Variants in LRP1B observed in about 807,000 individuals in gnomAD.
LRP1B encodes the protein LDL receptor related protein 1B.
LRP1B carries 217 observed loss-of-function variants against 556.6 expected under a neutral mutation model. The observed-to-expected ratio is 0.39, with a 90% CI of 0.35 to 0.44. The LOEUF is 0.44. Among genes scored for constraint, LRP1B ranks in the 20% least tolerant of loss-of-function variants. The probability of loss-of-function intolerance (pLI) is 1.00; values close to 1 mark genes in which losing one functional copy is unlikely to be tolerated. For missense variants in LRP1B, 5,053 were observed against 5,620.8 expected (o/e 0.90, Z 3.23); for synonymous variants, 2,047 against 1,865.8 (o/e 1.10, Z -2.50).
At chr2:140,276,323 T>C (rs1359872141) in intron 84 of LRP1B, among the ~76,000 whole-genome samples, 2 of 152,014 alleles carry the variant, frequency 1.3e-5, no homozygotes. Flanking sequence ...TGCTTGCTGT[T>C]GCACTGTGCC....
chr2:141,295,260 C>A (rs542240769), intron 3 of LRP1B, among the ~76,000 whole-genome samples: 1 of 152,228 alleles, frequency 6.6e-6, no homozygotes, highest in South Asian at 2.1e-4. Context: ...CATTTTATTT[C>A]AAGTTGATAT....
At chr2:140,995,783 G>GT (rs1362432098) in intron 15 of LRP1B, among the ~76,000 whole-genome samples, 1 of 152,008 alleles carries the variant, frequency 6.6e-6, no homozygotes, top group Non-Finnish European at 1.5e-5. Flanking sequence ...TCTATGCAGT[G>GT]TTTTTTCTCT....
At chr2:140,921,121 AT>A (rs944082927) in intron 21 of LRP1B, among the ~76,000 whole-genome samples, 2 of 151,862 alleles carry the variant, frequency 1.3e-5, no homozygotes, top group African/African-American at 4.8e-5. Context: ...TTGTCTGCAA[AT>A]TTTTTTTCTC....
At chr2:140,365,112 A>AT (rs1185379002) in intron 71 of LRP1B, among the ~76,000 whole-genome samples, 3 of 151,648 alleles carry the variant, frequency 2.0e-5, no homozygotes, top group Non-Finnish European at 3.0e-5. Context: ...AGAAATTTAT[A>AT]TTTTTTAGTT....
intron 60 of LRP1B, among the ~76,000 whole-genome samples, 176 bp downstream of exon 60, chr2:140,474,955 CATAACAT>C (rs1687909069): frequency 2.7e-5 from 4 of 149,844 alleles, no homozygotes; most frequent in Admixed American, 2.0e-4. Context: ...ATATCTTGTG[CATAACAT>C]ATAATTTTTG....
chr2:140,394,957 G>A (rs1684186955), intron 66 of LRP1B, among the ~76,000 whole-genome samples: 1 of 152,148 alleles, frequency 6.6e-6, no homozygotes, highest in African/African-American at 2.4e-5. Flanking sequence ...AAAAAAATGA[G>A]ATTGGTATCT....
At chr2:140,768,908 C>A in intron 35 of LRP1B, among the ~76,000 whole-genome samples, 1 of 151,432 alleles carries the variant, frequency 6.6e-6, no homozygotes. Flanking sequence ...ATATTTATAA[C>A]TAGATAAAAG....
intron 1 of LRP1B, among the ~76,000 whole-genome samples, chr2:141,954,145 T>A (rs980313731): frequency 1.9e-4 from 29 of 152,238 alleles, no homozygotes; most frequent in African/African-American, 7.0e-4. Flanking sequence ...ATGTTTTCTA[T>A]TATTTTTCTT....
chr2:141,548,975 G>A (rs1393394205), intron 2 of LRP1B, among the ~76,000 whole-genome samples: 1 of 152,100 alleles, frequency 6.6e-6, no homozygotes, highest in African/African-American at 2.4e-5. Flanking sequence ...CATACAGTTG[G>A]AAAGATATAC....
At chr2:140,929,813 C>A (rs1271780530) in intron 20 of LRP1B, among the ~76,000 whole-genome samples, 2 of 148,670 alleles carry the variant, frequency 1.3e-5, no homozygotes, top group African/African-American at 4.9e-5. Flanking sequence ...CTTCCCACTT[C>A]TCATTCTACT....
intron 32 of LRP1B, among the ~76,000 whole-genome samples, chr2:140,777,282 C>T (rs1689531643): frequency 6.6e-6 from 1 of 152,208 alleles, no homozygotes; most frequent in African/African-American, 2.4e-5. Flanking sequence ...TTGCCCCTAG[C>T]TCACAGAGGG....
intron 3 of LRP1B, among the ~76,000 whole-genome samples, chr2:141,286,538 A>C (rs1685728461): frequency 6.6e-6 from 1 of 152,158 alleles, no homozygotes; most frequent in Non-Finnish European, 1.5e-5. Context: ...GTAAGATTTT[A>C]ATGTCTTCCT....
At chr2:141,340,740 A>C (rs562230138) in intron 3 of LRP1B, among the ~76,000 whole-genome samples, 3 of 152,200 alleles carry the variant, frequency 2.0e-5, no homozygotes, top group Non-Finnish European at 4.4e-5. Context: ...AGGGAATTTA[A>C]ACAGTCAATA....
intron 2 of LRP1B, among the ~76,000 whole-genome samples, chr2:141,588,638 C>T (rs186763682): frequency 2.0e-5 from 3 of 152,120 alleles, no homozygotes; most frequent in South Asian, 2.1e-4. Flanking sequence ...TCTCCAAATT[C>T]GTTGCAAGAT....
chr2:141,203,569 C>T (rs1445099168), intron 6 of LRP1B, among the ~76,000 whole-genome samples: 3 of 82,800 alleles, frequency 3.6e-5, no homozygotes, highest in Non-Finnish European at 8.4e-5. Context: ...GACTTAGACT[C>T]CCACACAATA....
At chr2:141,795,519 C>T (rs184910758) in intron 2 of LRP1B, among the ~76,000 whole-genome samples, 2 of 151,890 alleles carry the variant, frequency 1.3e-5, no homozygotes, top group African/African-American at 2.4e-5. Context: ...ATTTCAGAGT[C>T]CACGTTTGTG....
At chr2:140,944,186 C>T (rs559853327) in intron 20 of LRP1B, among the ~76,000 whole-genome samples, 2 of 152,058 alleles carry the variant, frequency 1.3e-5, no homozygotes, top group Non-Finnish European at 1.5e-5. Flanking sequence ...TGGATAAATT[C>T]TTGGAAACAC....
chr2:141,961,214 CA>C (rs1463381807), intron 1 of LRP1B, among the ~76,000 whole-genome samples: 1 of 151,442 alleles, frequency 6.6e-6, no homozygotes, highest in East Asian at 1.9e-4. Context: ...GTCATTGCAA[CA>C]AAGAATTTCT....
chr2:140,440,321 C>G, intron 66 of LRP1B, among the ~76,000 whole-genome samples: 1 of 152,148 alleles, frequency 6.6e-6, no homozygotes, highest in Non-Finnish European at 1.5e-5. Flanking sequence ...CAATCCTACT[C>G]TACATCCTGC....
Sources: allele counts gnomAD v4.1 joint callset (sites outside exome capture counted in the v4.1 genomes callset), GRCh38; gene constraint gnomAD v4.1.1; transcripts MANE v1.5; gene names NCBI Gene and HGNC (gene_info 2026-07-23, HGNC 2026-07-21).